The following PSD3 variants were observed in gnomAD, a reference collection of about 807,000 sequenced individuals.
PSD3 encodes PH and SEC7 domain-containing protein 3.
A neutral mutation model predicts 105.5 loss-of-function variants in PSD3; 49 were observed. That is an observed-to-expected ratio of 0.46 (90% confidence interval 0.37 to 0.59). The LOEUF is 0.59. Ranked by LOEUF, PSD3 falls within the 20% of genes least tolerant of loss-of-function variation. PSD3 has a pLI of 0.00. For missense variants in PSD3, 1,561 were observed against 1,263.8 expected (o/e 1.24, Z -3.57); for synonymous variants, 557 against 457.8 (o/e 1.22, Z -2.77).
chr8:18,769,469 TAA>T (rs1394362803), intron 8 of PSD3, among the ~76,000 whole-genome samples: 6 of 152,174 alleles, frequency 3.9e-5, no homozygotes, highest in African/African-American at 7.2e-5. Context: ...ACTATAACTT[TAA>T]AAAAGTATCA....
intron 7 of PSD3, 53 bp downstream of exon 7, chr8:18,801,217 A>T: frequency 8.8e-7 from 1 of 1,135,214 alleles, no homozygotes; most frequent in South Asian, 1.4e-5. Flanking sequence ...TTTCATAATA[A>T]GGAAAATAAC....
intron 9 of PSD3, among the ~76,000 whole-genome samples, chr8:18,689,926 C>G (rs535333699): frequency 2.0e-5 from 3 of 152,240 alleles, no homozygotes; most frequent in Admixed American, 1.3e-4. Flanking sequence ...GTGACTTGTC[C>G]AGGAGCTCAT....
chr8:18,803,849 T>G (rs950218370), intron 6 of PSD3, among the ~76,000 whole-genome samples: 11 of 152,076 alleles, frequency 7.2e-5, no homozygotes, highest in Admixed American at 7.2e-4. Context: ...ATCATGGAGA[T>G]GGACGGTGGT....
At chr8:18,645,736 G>C (rs1274875251) in intron 10 of PSD3, among the ~76,000 whole-genome samples, 3 of 152,098 alleles carry the variant, frequency 2.0e-5, no homozygotes, top group South Asian at 2.1e-4. Flanking sequence ...ATTTCAATGA[G>C]GTGTAATGAG....
chr8:18,870,268 G>A (rs567877141), intron 3 of PSD3, among the ~76,000 whole-genome samples: 2 of 152,304 alleles, frequency 1.3e-5, no homozygotes, highest in South Asian at 4.2e-4. Context: ...TGTCATGAGG[G>A]CTGACAGAAG....
chr8:18,638,994 C>T (rs936212761), intron 10 of PSD3, among the ~76,000 whole-genome samples: 12 of 152,196 alleles, frequency 7.9e-5, no homozygotes, highest in African/African-American at 2.9e-4. Context: ...TTGACCACTG[C>T]CCTTCCGTGG....
chr8:18,694,825 A>AG (rs1801174283), intron 9 of PSD3, among the ~76,000 whole-genome samples: 1 of 151,618 alleles, frequency 6.6e-6, no homozygotes, highest in Non-Finnish European at 1.5e-5. Context: ...CTCCACTGAA[A>AG]AAAAAAATTA....
At chr8:18,916,007 A>T (rs1408750973) in intron 2 of PSD3, among the ~76,000 whole-genome samples, 2 of 152,010 alleles carry the variant, frequency 1.3e-5, no homozygotes, top group Non-Finnish European at 2.9e-5. Context: ...AAGGCAGGAG[A>T]ATCGCTTGAA....
intron 1 of PSD3, among the ~76,000 whole-genome samples, chr8:19,073,550 CAAAAAAAAAAAAAAAAAAA>C (rs869154642): frequency 1.4e-5 from 1 of 69,154 alleles, no homozygotes; most frequent in African/African-American, 6.1e-5. Flanking sequence ...AACTGTCTCT[CAAAAAAAAAAAAAAAAAAA>C]AAAAAAAAAA....
intron 4 of PSD3, among the ~76,000 whole-genome samples, chr8:18,831,963 C>G (rs1431846423): frequency 6.6e-6 from 1 of 151,768 alleles, no homozygotes; most frequent in Non-Finnish European, 1.5e-5. Flanking sequence ...AAAGTTGAAA[C>G]AATGTCTTTG....
At chr8:18,718,205 T>G (rs1047995599) in intron 9 of PSD3, among the ~76,000 whole-genome samples, 1 of 152,252 alleles carries the variant, frequency 6.6e-6, no homozygotes, top group African/African-American at 2.4e-5. Context: ...TTACCTTGTA[T>G]GTAATAGTCT....
At chr8:18,693,957 A>G (rs572890588) in intron 9 of PSD3, among the ~76,000 whole-genome samples, 2 of 152,194 alleles carry the variant, frequency 1.3e-5, no homozygotes, top group South Asian at 4.1e-4. Flanking sequence ...GGCATCTGAT[A>G]GGTAAGTAGT....
At chr8:18,932,445 C>T (rs1821811099) in intron 2 of PSD3, among the ~76,000 whole-genome samples, 1 of 152,168 alleles carries the variant, frequency 6.6e-6, no homozygotes, top group South Asian at 2.1e-4. Context: ...TACAATTCTC[C>T]ACGCAACTGA....
intron 2 of PSD3, among the ~76,000 whole-genome samples, chr8:18,902,342 T>A (rs1350803545): frequency 6.6e-6 from 1 of 152,186 alleles, no homozygotes; most frequent in Non-Finnish European, 1.5e-5. Flanking sequence ...TATTTAATTC[T>A]TTTTTATAAT....
intron 1 of PSD3, among the ~76,000 whole-genome samples, chr8:19,080,954 C>T (rs1014647636): frequency 4.6e-5 from 7 of 152,114 alleles, no homozygotes; most frequent in Non-Finnish European, 1.0e-4. Flanking sequence ...TGTCCCGAAA[C>T]GATGATAGAG....
chr8:19,081,092 G>A (rs1829631610), intron 1 of PSD3, among the ~76,000 whole-genome samples: 1 of 152,152 alleles, frequency 6.6e-6, no homozygotes, highest in Non-Finnish European at 1.5e-5. Flanking sequence ...CATGAGGCCT[G>A]GGAGATGGTT....
At chr8:18,876,601 T>G (rs1009100728) in intron 2 of PSD3, among the ~76,000 whole-genome samples, 8 of 152,074 alleles carry the variant, frequency 5.3e-5, no homozygotes, top group Non-Finnish European at 1.2e-4. Flanking sequence ...GGTTCCACCA[T>G]GTTGCCCAGG....
chr8:18,574,358 T>C (rs773972332), intron 13 of PSD3, among the ~76,000 whole-genome samples: 12 of 152,182 alleles, frequency 7.9e-5, no homozygotes, highest in South Asian at 2.1e-4. Context: ...TTATTACATC[T>C]GGTATTTTTG....
intron 9 of PSD3, among the ~76,000 whole-genome samples, chr8:18,669,164 G>A (rs1379525050): frequency 6.6e-6 from 1 of 152,116 alleles, no homozygotes; most frequent in Non-Finnish European, 1.5e-5. Flanking sequence ...ACAAATATTT[G>A]ATTATAACAC....
Sources: allele counts gnomAD v4.1 joint callset (sites outside exome capture counted in the v4.1 genomes callset), GRCh38; gene constraint gnomAD v4.1.1; transcripts MANE v1.5; gene names NCBI Gene and HGNC (gene_info 2026-07-23, HGNC 2026-07-21).